CA13: variants seen among roughly 807,000 people sequenced by gnomAD.
CA13 encodes carbonic anhydrase 13.
In CA13, 21 loss-of-function variants were observed where a neutral mutation model predicts 31.5. The observed-to-expected ratio is 0.67, with a 90% CI of 0.47 to 0.96. The LOEUF (loss-of-function observed/expected upper bound fraction) is 0.96. Ranked by LOEUF, CA13 falls within the 40% of genes least tolerant of loss-of-function variation. The probability of loss-of-function intolerance (pLI) is 0.00; values close to 1 mark genes in which losing one functional copy is unlikely to be tolerated. For synonymous variants in CA13, 117 were observed against 111.4 expected (o/e 1.05, Z -0.32); for missense variants, 315 against 318.9 (o/e 0.99, Z 0.09).
chr8:85,266,514 C>T, intron 3 of CA13, 94 bp from the exon 4 acceptor site: 4 of 863,186 alleles, frequency 4.6e-6, no homozygotes, highest in Admixed American at 2.1e-5. Context: ...CATAAGTGTA[C>T]AGCACCAGAA....
At position 85,258,066 on chromosome 8, in the gene CA13, A is replaced by T. The variant is rs772035118; in HGVS notation, c.236-1355A>T. ...TTAAATAATAAGATGGGGCCTTGCT[A>T]TGTTGCCCAGGCTGGTCTTGAACTC... On this transcript the variant is annotated intron_variant, in intron 2 of 6. Transcript: ENST00000321764. 2.0e-4 allele frequency among the ~76,000 whole-genome samples: 30 copies of T among 150,598 alleles called. 2 individuals carry two copies. Among genetic ancestry groups the T allele is most frequent in the Middle Eastern group, 7.0e-3 (2 of 284 alleles).
In CA13 at chr8:85,259,428, TG is replaced by T; in HGVS notation, c.245del (p.Gly82ValfsTer28). 1 of 1,613,698 alleles carries T rather than the reference TG, an allele frequency of 6.2e-7. No homozygotes were observed. The highest frequency in any genetic ancestry group is 8.5e-7 in the Non-Finnish European group (1 of 1,179,668). ...DDTENKSVLR[G>X]GPLTGSYRLR... ...AAACATGTTGTTGTTTAGTTCTGCG[TG>T]GTGGTCCTCTCACTGGAAGCTACAG... is the stretch of plus-strand genomic sequence containing the variant. On this transcript the variant is annotated frameshift_variant, in exon 3 of 7. Transcript: ENST00000321764. LOFTEE classifies it high-confidence loss of function.
At chr8:85,267,256 T>C in intron 4 of CA13, 1 of 986,894 alleles carries the variant, frequency 1.0e-6, no homozygotes, top group Non-Finnish European at 1.2e-6. Context: ...CCATGTGTTG[T>C]AACTCATGAA....
intron 2 of CA13, 132 bp from the exon 3 acceptor site, chr8:85,259,289 G>A: frequency 1.4e-6 from 1 of 690,662 alleles, no homozygotes; most frequent in Non-Finnish European, 2.6e-6. Flanking sequence ...TGTCAGCAAA[G>A]CAAATGACAC....
rs759577285 is a variant in CA13 at position 85,281,297 on chromosome 8, A to C, written c.737A>C (p.His246Pro). ...GCAGCAGCTTTTCTGGTGAGCAATCACCGCCCACCACAGCCTCTAAAGGGC... is the reference window on the plus strand; with the variant it reads ...GCAGCAGCTTTTCTGGTGAGCAATCCCCGCCCACCACAGCCTCTAAAGGGC... ...GEAAAFLVSN[H>P]RPPQPLKGRK... Residue 246 changes from histidine to proline, a missense_variant, in exon 7 of 7, where the codon CAC becomes CCC. His to Pro is a moderately conservative substitution (Grantham distance 77). Coordinates refer to ENST00000321764, the MANE Select transcript of CA13 (RefSeq NM_198584.3). 1 of 1,614,038 alleles carries C rather than the reference A, an allele frequency of 6.2e-7. No homozygotes were observed. The highest frequency in any genetic ancestry group is 8.5e-7 in the Non-Finnish European group (1 of 1,179,964).
At chr8:85,258,019 T>G (rs1207099626) in intron 2 of CA13, among the ~76,000 whole-genome samples, 2 of 147,998 alleles carry the variant, frequency 1.4e-5, no homozygotes, top group African/African-American at 4.9e-5. Context: ...CATATTAAAT[T>G]TATATAAATA....
intron 2 of CA13, among the ~76,000 whole-genome samples, chr8:85,253,446 A>G (rs1807230723): frequency 6.7e-6 from 1 of 148,698 alleles, no homozygotes; most frequent in Non-Finnish European, 1.5e-5. Context: ...TGTATTTTTC[A>G]TAGAGAAAAG....
intron 2 of CA13, 55 bp from the exon 3 acceptor site, chr8:85,259,366 C>T: frequency 3.6e-6 from 5 of 1,401,780 alleles, no homozygotes; most frequent in Non-Finnish European, 5.1e-6. Flanking sequence ...GTGGTTTGAG[C>T]AGCTTATGTA....
intron 6 of CA13, among the ~76,000 whole-genome samples, chr8:85,274,329 C>T (rs1358969166): frequency 6.6e-6 from 1 of 152,026 alleles, no homozygotes; most frequent in East Asian, 1.9e-4. Context: ...GCAGGAGCAC[C>T]GTCTGGATTT....
chr8:85,268,076 T>G (rs1807480481), intron 5 of CA13, 112 bp downstream of exon 5: 2 of 657,342 alleles, frequency 3.0e-6, no homozygotes, highest in Non-Finnish European at 2.5e-6. Flanking sequence ...TGCAACATAC[T>G]TGATGAAAAA....
rs1279582543 is a variant in CA13, at chr8:85,267,957, A to G, written c.506A>G (p.Lys169Arg). ...ATTACTGACACTTTGGATTCCATTAAAGAAAAGGTAAAATGAATTACTGTT... is the reference window on the plus strand; with the variant it reads ...ATTACTGACACTTTGGATTCCATTAGAGAAAAGGTAAAATGAATTACTGTT... Reference protein sequence around the residue: ...QKITDTLDSIKEKGKQTRFTN... With the variant: ...QKITDTLDSIREKGKQTRFTN... The change falls in exon 5 of 7, where the codon AAA becomes AGA. Residue 169 changes from lysine (K) to arginine (R), a missense_variant. Coordinates refer to ENST00000321764, the MANE Select transcript of CA13 (RefSeq NM_198584.3). 2.5e-6 allele frequency: 4 copies of G among 1,569,088 alleles called. No homozygotes were observed. The South Asian group carries it at 3.4e-5, about 13-fold the overall frequency.
At position 85,281,875 on chromosome 8, in the gene CA13, G is replaced by T. The variant is rs1431159011; in HGVS notation, c.*526G>T. ...TTATTTGCACTCATGGATATTCACA[G>T]TAAGCATTGTTTGACATATATTAAA... is the stretch of plus-strand genomic sequence containing the variant. On this transcript the variant is annotated 3_prime_UTR_variant, in exon 7 of 7. Transcript: ENST00000321764. The T allele has an allele frequency of 6.6e-6, 1 of 152,280 alleles. No homozygotes were observed. The highest frequency in any genetic ancestry group is 6.5e-5 in the Admixed American group (1 of 15,278). The allele number at this position is 152,280 out of a possible 1,614,324, so 9.4% of individuals were successfully genotyped here.
At chr8:85,273,588 G>A (rs2129998479) in intron 6 of CA13, among the ~76,000 whole-genome samples, 1 of 152,170 alleles carries the variant, frequency 6.6e-6, no homozygotes, top group South Asian at 2.1e-4. Context: ...CAAGATAGCA[G>A]AAGCAGGAAG....
chr8:85,255,699 A>G (rs1294601686), intron 2 of CA13, among the ~76,000 whole-genome samples: 1 of 152,126 alleles, frequency 6.6e-6, no homozygotes, highest in Admixed American at 6.6e-5. Flanking sequence ...ATTCTTTAGG[A>G]AGACTTCCAA....
At position 85,245,683 on chromosome 8, in the gene CA13, G is replaced by A; in HGVS notation, c.-146G>A. Reference sequence around the variant, plus strand: ...CCGTCTGGAGGACGCAGGCGGGAGCGCCCCGGACCGGGTTCACGGTCTCGC... The same window carrying A: ...CCGTCTGGAGGACGCAGGCGGGAGCACCCCGGACCGGGTTCACGGTCTCGC... On this transcript the variant is annotated 5_prime_UTR_variant, in exon 1 of 7. Transcript: ENST00000321764. 4.6e-6 allele frequency: 4 copies of A among 869,032 alleles called. No homozygotes were observed. The highest frequency in any genetic ancestry group is 7.3e-6 in the Non-Finnish European group (4 of 545,338). 53.8% of individuals were successfully genotyped at this position (869,032 alleles called of 1,614,324 possible).
chr8:85,270,448 C>T (rs1353768146), intron 6 of CA13, among the ~76,000 whole-genome samples: 1 of 152,178 alleles, frequency 6.6e-6, no homozygotes, highest in Non-Finnish European at 1.5e-5. Context: ...ATGTAGAAAT[C>T]CAGAGCTTGA....
At chr8:85,264,113 C>T (rs150864811) in intron 3 of CA13, among the ~76,000 whole-genome samples, 164 of 152,208 alleles carry the variant, frequency 1.1e-3, no homozygotes, top group African/African-American at 3.4e-3. Context: ...AAAAGTTAGG[C>T]GTCTACAAAA....
chr8:85,273,646 A>G (rs1309081951), intron 6 of CA13, among the ~76,000 whole-genome samples: 4 of 151,922 alleles, frequency 2.6e-5, no homozygotes, highest in African/African-American at 2.4e-5. Context: ...GAGGGAGGCC[A>G]TCCGGGTACT....
intron 6 of CA13, among the ~76,000 whole-genome samples, chr8:85,275,862 G>C (rs73688700): frequency 2.6e-5 from 4 of 152,184 alleles, no homozygotes; most frequent in Admixed American, 2.6e-4. Context: ...TTTTTCCTCC[G>C]TAGTGGAAAG....
Sources: allele counts gnomAD v4.1 joint callset (sites outside exome capture counted in the v4.1 genomes callset), GRCh38; gene constraint gnomAD v4.1.1; transcripts MANE v1.5; gene names NCBI Gene and HGNC (gene_info 2026-07-23, HGNC 2026-07-21).